The following RBFOX1 variants were observed in gnomAD, a reference collection of about 807,000 sequenced individuals.
The protein encoded by RBFOX1 is RNA binding protein fox-1 homolog 1.
RBFOX1 carries 8 observed loss-of-function variants against 57.7 expected under a neutral mutation model. That is an observed-to-expected ratio of 0.14 (90% CI 0.08 to 0.25). The LOEUF (loss-of-function observed/expected upper bound fraction) is 0.25. RBFOX1 is among the 10% of genes least tolerant of loss of function. The pLI is 1.00. For synonymous variants in RBFOX1, 326 were observed against 222.4 expected (o/e 1.47, Z -4.15); for missense variants, 611 against 548.5 (o/e 1.11, Z -1.14).
At chr16:7,122,469 G>A (rs936962245) in intron 4 of RBFOX1, among the ~76,000 whole-genome samples, 2 of 151,970 alleles carry the variant, frequency 1.3e-5, no homozygotes, top group African/African-American at 4.8e-5. Flanking sequence ...CCGTGAAAAG[G>A]TATTTAACAT....
intron 4 of RBFOX1, among the ~76,000 whole-genome samples, chr16:7,259,859 G>T (rs376655417): frequency 1.3e-5 from 2 of 152,214 alleles, no homozygotes; most frequent in South Asian, 2.1e-4. Context: ...TAGTATACCT[G>T]GTGTATTAGG....
chr16:7,009,706 T>A (rs1464684799), intron 3 of RBFOX1, among the ~76,000 whole-genome samples: 1 of 152,186 alleles, frequency 6.6e-6, no homozygotes, highest in African/African-American at 2.4e-5. Context: ...CAGGCAGCAG[T>A]TGAGCCAACC....
chr16:6,101,674 C>A (rs1567457738), intron 1 of RBFOX1, among the ~76,000 whole-genome samples: 1 of 152,058 alleles, frequency 6.6e-6, no homozygotes, highest in Non-Finnish European at 1.5e-5. Context: ...GTAATCCCAG[C>A]AATTTGGGAA....
intron 4 of RBFOX1, among the ~76,000 whole-genome samples, chr16:5,994,451 C>T (rs1023646146): frequency 1.1e-4 from 16 of 152,198 alleles, no homozygotes; most frequent in African/African-American, 3.1e-4. Context: ...CATGAGCCAC[C>T]ACTCCTGGGC....
intron 3 of RBFOX1, among the ~76,000 whole-genome samples, chr16:5,827,070 GTCTTTTTC>G (rs1417280081): frequency 6.6e-6 from 1 of 152,116 alleles, no homozygotes; most frequent in Non-Finnish European, 1.5e-5. Flanking sequence ...TGTTGACCAA[GTCTTTTTC>G]TCTTTCACAC....
At chr16:5,624,361 A>T (rs1040989255) in intron 3 of RBFOX1, among the ~76,000 whole-genome samples, 5 of 151,866 alleles carry the variant, frequency 3.3e-5, no homozygotes, top group African/African-American at 9.7e-5. Flanking sequence ...TGCCCAACTA[A>T]TTTTTTTTCT....
chr16:6,733,166 C>T (rs538280495), intron 3 of RBFOX1, among the ~76,000 whole-genome samples: 1 of 152,170 alleles, frequency 6.6e-6, no homozygotes, highest in Non-Finnish European at 1.5e-5. Flanking sequence ...CAGCCAACCC[C>T]TCATCTCCCA....
At chr16:7,053,217 A>G (rs17644591) in intron 4 of RBFOX1, among the ~76,000 whole-genome samples, 21,998 of 152,116 alleles carry the variant, frequency 0.14, 1,672 homozygotes, top group Middle Eastern at 0.2. Context: ...GGTGCATGAA[A>G]CCGAGAAAGT....
chr16:5,253,714 A>T (rs902383519), intron 1 of RBFOX1, among the ~76,000 whole-genome samples: 1 of 152,348 alleles, frequency 6.6e-6, no homozygotes, highest in Admixed American at 6.5e-5. Context: ...CAAGTCCTGT[A>T]TGAGGTGGGT....
intron 3 of RBFOX1, among the ~76,000 whole-genome samples, chr16:5,625,408 T>G (rs1467252206): frequency 6.6e-6 from 1 of 152,132 alleles, no homozygotes; most frequent in African/African-American, 2.4e-5. Flanking sequence ...AACGTGGCCA[T>G]GGGTCACACA....
At chr16:6,344,611 A>T (rs2085075618) in intron 2 of RBFOX1, among the ~76,000 whole-genome samples, 1 of 145,552 alleles carries the variant, frequency 6.9e-6, no homozygotes, top group Non-Finnish European at 1.5e-5. Flanking sequence ...GTTAGCCAGG[A>T]TGGTTTCCAT....
At chr16:7,402,418 T>C (rs899555452) in intron 4 of RBFOX1, among the ~76,000 whole-genome samples, 1 of 152,198 alleles carries the variant, frequency 6.6e-6, no homozygotes, top group Non-Finnish European at 1.5e-5. Flanking sequence ...CTTTGAAAAG[T>C]GGTCTTAAAT....
intron 2 of RBFOX1, among the ~76,000 whole-genome samples, chr16:6,364,466 G>T (rs1178976460): frequency 6.6e-6 from 1 of 152,120 alleles, no homozygotes. Context: ...CTCCAAGGAA[G>T]CTTCTTTTTT....
At chr16:7,555,888 G>T (rs1212913797) in intron 5 of RBFOX1, among the ~76,000 whole-genome samples, 1 of 152,102 alleles carries the variant, frequency 6.6e-6, no homozygotes, top group East Asian at 1.9e-4. Flanking sequence ...GCTCTGCAAT[G>T]CTCTGATTGA....
At chr16:5,514,083 G>C (rs2151729083) in intron 2 of RBFOX1, among the ~76,000 whole-genome samples, 1 of 152,270 alleles carries the variant, frequency 6.6e-6, no homozygotes, top group East Asian at 1.9e-4. Flanking sequence ...TAGTATATTA[G>C]TGACTTCTTG....
At chr16:7,454,523 T>C (rs763188324) in intron 4 of RBFOX1, among the ~76,000 whole-genome samples, 22 of 152,278 alleles carry the variant, frequency 1.4e-4, no homozygotes, top group African/African-American at 4.8e-5. Flanking sequence ...GGTCCAGAAT[T>C]CCCATGCATG....
chr16:7,358,408 G>T (rs57236501), intron 4 of RBFOX1, among the ~76,000 whole-genome samples: 5,321 of 151,364 alleles, frequency 0.035, 210 homozygotes, highest in African/African-American at 0.096. Flanking sequence ...GTATTTTTGT[G>T]TTTTTTGTTT....
intron 13 of RBFOX1, among the ~76,000 whole-genome samples, chr16:7,666,969 T>C (rs924854211): frequency 6.6e-6 from 1 of 152,210 alleles, no homozygotes; most frequent in South Asian, 2.1e-4. Flanking sequence ...TGTTTGTTCA[T>C]AAAACTGCCC....
intron 11 of RBFOX1, among the ~76,000 whole-genome samples, chr16:7,635,606 C>T (rs890527606): frequency 2.0e-5 from 3 of 152,058 alleles, no homozygotes; most frequent in Admixed American, 1.3e-4. Flanking sequence ...TTTGACTTTA[C>T]AGAGGAGAGT....
Sources: gnomAD v4.1 joint callset for allele counts (sites outside exome capture counted in the v4.1 genomes callset) on GRCh38, gnomAD v4.1.1 for gene constraint, MANE v1.5 for transcripts, NCBI Gene and HGNC (gene_info 2026-07-23, HGNC 2026-07-21) for gene names.